Variants in ZBBX observed in about 807,000 individuals in gnomAD.
ZBBX encodes zinc finger B-box domain-containing protein 1.
ZBBX carries 101 observed loss-of-function variants against 108.5 expected under a neutral mutation model. The observed-to-expected ratio is 0.93, with a 90% CI of 0.79 to 1.10. The LOEUF is 1.10. ZBBX is among the 50% of genes least tolerant of loss of function. ZBBX has a pLI of 0.00. For missense variants in ZBBX, 1,009 were observed against 941.4 expected, an observed-to-expected ratio of 1.07 and a Z score of -0.94; for synonymous variants, 356 against 323.4, an observed-to-expected ratio of 1.10 and a Z score of -1.08.
chr3:167,333,943 G>A lies in ZBBX; in HGVS notation c.571C>T (p.Gln191Ter), dbSNP rs367911302. 1 of 1,605,502 alleles carries A rather than the reference G, an allele frequency of 6.2e-7. No individual in the cohort carries two copies. Among genetic ancestry groups the A allele is most frequent in the Admixed American group, 1.7e-5 (1 of 58,520 alleles). The change falls in exon 10 of 22, where the codon CAG (glutamine) becomes TAG (stop). Residue 191 changes from glutamine to a stop codon, truncating the protein, a stop_gained. Coordinates refer to ENST00000675490, the MANE Select transcript of ZBBX (RefSeq NM_001199201.2). LOFTEE classifies it high-confidence loss of function. ...TCTGGATTAACATCCTTTATAAACT[G>A]ATGGGCAACATCCAATACATTGAAT... is the stretch of plus-strand genomic sequence containing the variant. ...ILFNVLDVAH[Q>*]FIKDVNPDEP...
chr3:167,278,691 T>C (rs1056257046), intron 20 of ZBBX, among the ~76,000 whole-genome samples: 1 of 151,548 alleles, frequency 6.6e-6, no homozygotes, highest in African/African-American at 2.4e-5. Flanking sequence ...ACTGGTACCA[T>C]TCCTTCTGAA....
intron 16 of ZBBX, among the ~76,000 whole-genome samples, chr3:167,312,311 A>C (rs1475338094): frequency 6.6e-6 from 1 of 152,146 alleles, no homozygotes; most frequent in Non-Finnish European, 1.5e-5. Context: ...GGCACAGAGA[A>C]TTTTTAGGAC....
At chr3:167,265,066 T>A (rs1725235242) in intron 20 of ZBBX, among the ~76,000 whole-genome samples, 2 of 152,268 alleles carry the variant, frequency 1.3e-5, no homozygotes. Context: ...CTTGTTGCTC[T>A]ATTCCACTGT....
intron 10 of ZBBX, among the ~76,000 whole-genome samples, chr3:167,330,965 C>CTCTCTCTCTCTCTCTCTCTCTCTCTCTG (rs1738494843): frequency 2.0e-5 from 3 of 147,026 alleles, no homozygotes; most frequent in Non-Finnish European, 3.0e-5. Flanking sequence ...CTCTCTCTCT[C>CTCTCTCTCTCTCTCTCTCTCTCTCTCTG]CCCCACTCCC....
rs149980321 is a variant in ZBBX, at chr3:167,252,062, G to T, written c.2255-9419C>A. 178 of 1,037,222 alleles carry T rather than the reference G, an allele frequency of 1.7e-4. No homozygotes were observed. The African/African-American group carries it at 2.7e-3, about 16-fold the overall frequency. 64.3% of individuals were successfully genotyped at this position (1,037,222 alleles called of 1,614,324 possible). A position where few individuals can be genotyped will look rare whatever the true frequency, so the allele number is the denominator to read the frequency against. On this transcript the variant is annotated intron_variant, in intron 20 of 21. Transcript: ENST00000675490. ...CCTTAAACACCTCTGCCCTTCTCAGGTACTTCTAGAATGGCAGTCTGATAT... is the reference window on the plus strand; with the variant it reads ...CCTTAAACACCTCTGCCCTTCTCAGTTACTTCTAGAATGGCAGTCTGATAT...
intron 14 of ZBBX, 29 bp downstream of exon 14, chr3:167,316,976 G>A: frequency 7.5e-7 from 1 of 1,340,550 alleles, no homozygotes; most frequent in Non-Finnish European, 1.0e-6. Flanking sequence ...TAAAAATCAT[G>A]AATGGTCATT....
intron 4 of ZBBX, among the ~76,000 whole-genome samples, chr3:167,371,905 G>A (rs1215588597): frequency 6.6e-6 from 1 of 152,096 alleles, no homozygotes; most frequent in Non-Finnish European, 1.5e-5. Context: ...AAAAAACTCA[G>A]AAACTCCAAT....
chr3:167,334,024 T>C (rs556954554), intron 9 of ZBBX, 39 bp from the exon 10 acceptor site: 4 of 1,360,248 alleles, frequency 2.9e-6, no homozygotes, highest in Non-Finnish European at 3.9e-6. Flanking sequence ...GCGCCTCATA[T>C]GTTAACCTAA....
intron 18 of ZBBX, among the ~76,000 whole-genome samples, chr3:167,293,223 C>A (rs528358900): frequency 6.6e-6 from 1 of 152,212 alleles, no homozygotes; most frequent in East Asian, 1.9e-4. Context: ...ATCCTGATAC[C>A]AAAACCTGGC....
chr3:167,184,636 C>A, the ZBBX span, among the ~76,000 whole-genome samples: 1 of 152,074 alleles, frequency 6.6e-6, no homozygotes. Flanking sequence ...TTCCAACAGG[C>A]CTGAGATCCA....
chr3:167,193,353 C>T, the ZBBX span, among the ~76,000 whole-genome samples: 5 of 152,152 alleles, frequency 3.3e-5, no homozygotes, highest in African/African-American at 1.2e-4. Context: ...ACAAACCTTT[C>T]ACCACATTCT....
At chr3:167,271,385 G>A (rs1028473488) in intron 20 of ZBBX, among the ~76,000 whole-genome samples, 12 of 152,126 alleles carry the variant, frequency 7.9e-5, no homozygotes, top group African/African-American at 2.7e-4. Context: ...GCAGGCTGCC[G>A]TTTCATCTGG....
chr3:167,378,405 A>G (rs1747297057), intron 2 of ZBBX, among the ~76,000 whole-genome samples: 1 of 152,224 alleles, frequency 6.6e-6, no homozygotes, highest in African/African-American at 2.4e-5. Context: ...AACAATATTA[A>G]AAGGCACTGA....
intron 20 of ZBBX, among the ~76,000 whole-genome samples, chr3:167,250,966 G>A (rs1037193212): frequency 6.6e-6 from 1 of 152,180 alleles, no homozygotes; most frequent in African/African-American, 2.4e-5. Flanking sequence ...GTCAAGAGCA[G>A]TACATCAGCG....
Position 167,256,835 on chromosome 3 carries a change from T to C in ZBBX, c.2255-14192A>G, listed in dbSNP as rs1410320226. ...TCTTTTATGGCTGAATGGTACTCCA[T>C]TGTGTATATGTATCACATTTTATTT... is the stretch of plus-strand genomic sequence containing the variant. On this transcript the variant is annotated intron_variant, in intron 20 of 21. Transcript: ENST00000675490. Among the ~76,000 whole-genome samples, 5 of 152,244 alleles carry C rather than the reference T, an allele frequency of 3.3e-5. No homozygotes were observed. In the South Asian group the frequency reaches 6.2e-4, roughly 19 times the overall value.
chr3:167,269,960 G>C (rs999604328), intron 20 of ZBBX, among the ~76,000 whole-genome samples: 1 of 152,182 alleles, frequency 6.6e-6, no homozygotes, highest in South Asian at 2.1e-4. Flanking sequence ...AGTATCAGCA[G>C]ACAGTTTTGC....
At chr3:167,384,791 G>T (rs1350979751), upstream of ZBBX, among the ~76,000 whole-genome samples, 1 of 151,976 alleles carries the variant, frequency 6.6e-6, no homozygotes, top group Non-Finnish European at 1.5e-5. Context: ...CAACCTGAAT[G>T]AATTTATTCC....
intron 19 of ZBBX, among the ~76,000 whole-genome samples, chr3:167,285,563 A>C (rs1729557822): frequency 6.6e-6 from 1 of 152,162 alleles, no homozygotes; most frequent in South Asian, 2.1e-4. Context: ...TAGGTAACTA[A>C]GAATGTTATT....
At chr3:167,348,312 A>AG (rs1560162905) in intron 9 of ZBBX, among the ~76,000 whole-genome samples, 4 of 87,580 alleles carry the variant, frequency 4.6e-5, no homozygotes, top group Admixed American at 1.3e-4. Flanking sequence ...GAGAGAAAGA[A>AG]AGAGAAAGAA....
Sources: gnomAD v4.1 joint callset for allele counts (sites outside exome capture counted in the v4.1 genomes callset) on GRCh38, gnomAD v4.1.1 for gene constraint, MANE v1.5 for transcripts, NCBI Gene and HGNC (gene_info 2026-07-23, HGNC 2026-07-21) for gene names.